DAB1: variants seen among roughly 807,000 people sequenced by gnomAD.
DAB1 encodes the protein DAB adaptor protein 1.
Under a neutral mutation model 64.6 loss-of-function variants are expected in DAB1, and 15 were observed. That is an observed-to-expected ratio of 0.23 (90% CI 0.16 to 0.36). DAB1 has a LOEUF of 0.36. Ranked by LOEUF, DAB1 falls within the 10% of genes least tolerant of loss-of-function variation. The pLI is 1.00. For synonymous variants in DAB1, 235 were observed against 251.9 expected, an observed-to-expected ratio of 0.93 and a Z score of 0.64; for missense variants, 596 against 706.7, an observed-to-expected ratio of 0.84 and a Z score of 1.78.
chr1:58,410,939 A>T (rs1644661547), intron 3 of DAB1, among the ~76,000 whole-genome samples: 1 of 152,192 alleles, frequency 6.6e-6, no homozygotes, highest in African/African-American at 2.4e-5. Context: ...CACAAGTGTG[A>T]CTGGGTCTCT....
chr1:58,121,915 C>T lies in DAB1; in HGVS notation n.387+28596G>A, dbSNP rs144540912. ...GAAAAGAGTTAAGTTGAAGTTAGAA[C>T]ATGCAGAACTATGCATATCCCTGAG... On this transcript the variant is annotated intron_variant and non_coding_transcript_variant, in intron 5 of 20. Coordinates refer to the DAB1 transcript ENST00000485760. 3.9e-5 allele frequency among the ~76,000 whole-genome samples: 6 copies of T among 152,296 alleles called. No individual in the cohort carries two copies. The East Asian group carries it at 1.2e-3, about 29-fold the overall frequency.
At chr1:58,453,671 C>T (rs1645162814) in intron 3 of DAB1, among the ~76,000 whole-genome samples, 1 of 152,216 alleles carries the variant, frequency 6.6e-6, no homozygotes, top group Admixed American at 6.5e-5. Flanking sequence ...AGAAACACTT[C>T]TCACTGCCCT....
intron 7 of DAB1, among the ~76,000 whole-genome samples, chr1:57,568,426 G>C (rs929978101): frequency 4.6e-5 from 7 of 152,164 alleles, no homozygotes; most frequent in African/African-American, 1.7e-4. Context: ...ATTGACAAAT[G>C]GGATCGAATT....
chr1:58,170,867 A>G (rs1656130632), intron 4 of DAB1, among the ~76,000 whole-genome samples: 1 of 152,102 alleles, frequency 6.6e-6, no homozygotes, highest in African/African-American at 2.4e-5. Flanking sequence ...AGCTCATGTC[A>G]TCACCCTCAC....
intron 1 of DAB1, among the ~76,000 whole-genome samples, chr1:57,828,489 T>C (rs988537065): frequency 2.0e-5 from 3 of 152,196 alleles, no homozygotes; most frequent in Non-Finnish European, 4.4e-5. Context: ...TTCTGGCTTT[T>C]CCCCTGTTCC....
At chr1:57,553,462 GA>G (rs1558487314) in intron 7 of DAB1, among the ~76,000 whole-genome samples, 49 of 24,690 alleles carry the variant, frequency 2.0e-3, no homozygotes, top group African/African-American at 3.1e-3. Flanking sequence ...GAAAGAAAGA[GA>G]AAGGGAAAGA....
At position 58,006,395 on chromosome 1, in the gene DAB1, G is replaced by A. The variant is rs78907681; in HGVS notation, n.388-122233C>T. Among the ~76,000 whole-genome samples the A allele has an allele frequency of 1.8e-4, 28 of 152,248 alleles. No individual in the cohort carries two copies. In the East Asian group the frequency reaches 5.2e-3, roughly 28 times the overall value. ...ATGCTTGACATCTGCCTCCTATAAA[G>A]TCAGGACTCAATAGCTGCAAACTCT... On this transcript the variant is annotated intron_variant and non_coding_transcript_variant, in intron 5 of 20. Transcript: ENST00000485760.
intron 6 of DAB1, among the ~76,000 whole-genome samples, chr1:57,761,057 T>C (rs1023746014): frequency 6.6e-6 from 1 of 152,228 alleles, no homozygotes; most frequent in Admixed American, 6.5e-5. Context: ...CTTCAACTCC[T>C]AAATAAGGAA....
intron 6 of DAB1, among the ~76,000 whole-genome samples, chr1:57,686,635 A>G (rs1646700810): frequency 6.6e-6 from 1 of 152,230 alleles, no homozygotes; most frequent in South Asian, 2.1e-4. Flanking sequence ...TCTGAGGAAC[A>G]TAGATTCAAA....
At chr1:57,546,159 T>C (rs1880442) in intron 7 of DAB1, among the ~76,000 whole-genome samples, 144,064 of 151,604 alleles carry the variant, frequency 0.95, 68,850 homozygotes, top group East Asian at 1. Context: ...GAAGAGAAGG[T>C]AATCAGCCCA....
intron 9 of DAB1, among the ~76,000 whole-genome samples, chr1:57,050,945 A>T (rs1649124997): frequency 6.6e-6 from 1 of 152,228 alleles, no homozygotes; most frequent in Admixed American, 6.5e-5. Context: ...TACAAAAGTA[A>T]TGAAGGTCTG....
At chr1:57,695,400 G>GAA (rs71051245) in intron 6 of DAB1, among the ~76,000 whole-genome samples, 1 of 84,642 alleles carries the variant, frequency 1.2e-5, no homozygotes, top group African/African-American at 4.6e-5. Context: ...AAGAAAGAAA[G>GAA]AAAGAAAGAA....
At chr1:58,092,550 A>G (rs1650732815) in intron 5 of DAB1, among the ~76,000 whole-genome samples, 1 of 151,992 alleles carries the variant, frequency 6.6e-6, no homozygotes, top group African/African-American at 2.4e-5. Context: ...CTAAAGTTCA[A>G]CCCCCACTCC....
chr1:58,506,584 C>A (rs551273292), intron 2 of DAB1, among the ~76,000 whole-genome samples: 1 of 152,030 alleles, frequency 6.6e-6, no homozygotes, highest in Non-Finnish European at 1.5e-5. Flanking sequence ...TCACAATAAC[C>A]CTGCTAACCA....
intron 4 of DAB1, among the ~76,000 whole-genome samples, chr1:57,111,111 C>A (rs555521625): frequency 6.6e-6 from 1 of 151,688 alleles, no homozygotes; most frequent in Admixed American, 6.6e-5. Flanking sequence ...GGAGAGGAGC[C>A]GTTTGAGCCA....
At chr1:57,839,059 G>A (rs1319959045) in intron 1 of DAB1, among the ~76,000 whole-genome samples, 1 of 152,134 alleles carries the variant, frequency 6.6e-6, no homozygotes, top group African/African-American at 2.4e-5. Context: ...AGGATTACAC[G>A]CATGAGCCAC....
At chr1:57,836,933 G>A (rs114972455) in intron 1 of DAB1, among the ~76,000 whole-genome samples, 249 of 152,254 alleles carry the variant, frequency 1.6e-3, no homozygotes, top group African/African-American at 5.7e-3. Flanking sequence ...CCATCTCAGA[G>A]AAAGCATCTC....
Position 58,499,761 on chromosome 1 carries a change from T to C in DAB1, n.257+6299A>G, listed in dbSNP as rs375014867. On this transcript the variant is annotated intron_variant and non_coding_transcript_variant, in intron 3 of 20. Coordinates refer to the DAB1 transcript ENST00000485760. ...GAAACATCATGCTGGACTCCATAAA[T>C]ATATAAAAAATTTTAAAAATTAGTT... 1.8e-3 allele frequency among the ~76,000 whole-genome samples: 271 copies of C among 151,196 alleles called. 6 individuals are homozygous for C. The South Asian group carries it at 0.053, about 29-fold the overall frequency.
intron 6 of DAB1, among the ~76,000 whole-genome samples, chr1:57,748,705 G>A (rs2101800607): frequency 6.6e-6 from 1 of 152,294 alleles, no homozygotes; most frequent in Non-Finnish European, 1.5e-5. Flanking sequence ...ACCTTAGGGA[G>A]AGGTTTCAGC....
Sources: allele counts gnomAD v4.1 joint callset (sites outside exome capture counted in the v4.1 genomes callset), GRCh38; gene constraint gnomAD v4.1.1; transcripts MANE v1.5; gene names NCBI Gene and HGNC (gene_info 2026-07-23, HGNC 2026-07-21).